Variants in ZC3H3 observed in about 807,000 individuals in gnomAD.
The protein encoded by ZC3H3 is zinc finger CCCH domain-containing protein 3.
ZC3H3 carries 36 observed loss-of-function variants against 77.3 expected under a neutral mutation model. The observed-to-expected ratio is 0.47, with a 90% CI of 0.36 to 0.61. The LOEUF (loss-of-function observed/expected upper bound fraction) is 0.61. Ranked by LOEUF, ZC3H3 falls within the 20% of genes least tolerant of loss-of-function variation. The probability of loss-of-function intolerance (pLI) is 0.00; values close to 1 mark genes in which losing one functional copy is unlikely to be tolerated. For missense variants in ZC3H3, 1,331 were observed against 1,312.2 expected (o/e 1.01, Z -0.22); for synonymous variants, 626 against 555.2 (o/e 1.13, Z -1.79).
chr8:143,438,098 A>C lies in ZC3H3; in HGVS notation c.2816-11T>G. 1 of 1,608,484 alleles carries C rather than the reference A, an allele frequency of 6.2e-7. No homozygotes were observed. On this transcript the variant is annotated splice_polypyrimidine_tract_variant and intron_variant, in intron 11 of 11. Coordinates refer to ENST00000262577, the MANE Select transcript of ZC3H3 (RefSeq NM_015117.3). ...TGTGCAGAGGCTTCCCTATGCAAAGAGGGCAAAAGTTAGGTGCCCGGAAAC... is the reference window on the plus strand; with the variant it reads ...TGTGCAGAGGCTTCCCTATGCAAAGCGGGCAAAAGTTAGGTGCCCGGAAAC...
At position 143,538,777 on chromosome 8, in the gene ZC3H3, C is replaced by T. The variant is rs768928969; in HGVS notation, c.590G>A (p.Gly197Asp). 1.3e-5 allele frequency: 21 copies of T among 1,612,000 alleles called. No homozygotes were observed. Among genetic ancestry groups the T allele is most frequent in the Admixed American group, 1.2e-4 (7 of 59,982 alleles). ...DPLLVCQKEPGKPRMVKSVGS... is the reference protein window; with the variant it reads ...DPLLVCQKEPDKPRMVKSVGS... The stretch of plus-strand genomic sequence containing the variant: ...CACTGACTTCACCATCCTGGGCTTA[C>T]CAGGCTCCTTCTGGCAGACCAGAAG... Residue 197 changes from glycine (G) to aspartate (D), a missense_variant, in exon 2 of 12, where the codon GGT (glycine) becomes GAT (aspartate). Physicochemically the swap from Gly to Asp is moderately conservative, Grantham distance 94. This residue lies in a region of ZC3H3 where 978 missense variants were observed against 915.5 expected (regional missense o/e 1.07). Transcript: ENST00000262577.
chr8:143,471,489 C>G (rs1234878174), intron 5 of ZC3H3, among the ~76,000 whole-genome samples: 1 of 152,236 alleles, frequency 6.6e-6, no homozygotes, highest in Non-Finnish European at 1.5e-5. Context: ...GGACACAGAA[C>G]AAGCCAAGGC....
chr8:143,491,781 G>C (rs777839938), intron 4 of ZC3H3, among the ~76,000 whole-genome samples: 1 of 152,188 alleles, frequency 6.6e-6, no homozygotes, highest in African/African-American at 2.4e-5. Flanking sequence ...TGTGGGGCCG[G>C]GTGCAGGGTG....
intron 3 of ZC3H3, among the ~76,000 whole-genome samples, chr8:143,515,285 C>T (rs1822000341): frequency 6.6e-6 from 1 of 152,246 alleles, no homozygotes; most frequent in Admixed American, 6.5e-5. Context: ...ATACGCACTC[C>T]CCCCGCTGCA....
chr8:143,446,847 G>T (rs945816536), intron 9 of ZC3H3, among the ~76,000 whole-genome samples: 1 of 152,228 alleles, frequency 6.6e-6, no homozygotes, highest in Non-Finnish European at 1.5e-5. Flanking sequence ...ACTGGGGCCC[G>T]CAACCGGAGA....
intron 9 of ZC3H3, among the ~76,000 whole-genome samples, chr8:143,450,557 C>T (rs1481407768): frequency 6.6e-6 from 1 of 152,188 alleles, no homozygotes; most frequent in African/African-American, 2.4e-5. Flanking sequence ...ATGGCAGCAT[C>T]TGCTTCTGGA....
rs115243542 is a variant in ZC3H3 at position 143,464,265 on chromosome 8, G to A, written c.2307+1452C>T. On this transcript the variant is annotated intron_variant, in intron 9 of 11. Coordinates refer to ENST00000262577, the MANE Select transcript of ZC3H3 (RefSeq NM_015117.3). ...AGAAGCAGGACCTAAATATCACTTT[G>A]ATATTTTCATTTAAATCGAAACATT... Among the ~76,000 whole-genome samples, 749 of 152,374 alleles carry A rather than the reference G, an allele frequency of 4.9e-3. 6 individuals carry two copies. The highest frequency in any genetic ancestry group is 0.016 in the African/African-American group (677 of 41,598).
At chr8:143,457,940 A>C (rs1307954734) in intron 9 of ZC3H3, among the ~76,000 whole-genome samples, 3 of 152,226 alleles carry the variant, frequency 2.0e-5, no homozygotes, top group Non-Finnish European at 2.9e-5. Flanking sequence ...AGGAAAAAAA[A>C]CAGCAAAATA....
Position 143,509,880 on chromosome 8 carries a change from G to A in ZC3H3, c.1562-1981C>T, listed in dbSNP as rs567663853. 2.0e-5 allele frequency among the ~76,000 whole-genome samples: 3 copies of A among 152,260 alleles called. No homozygotes were observed. The East Asian group carries it at 5.8e-4, about 29-fold the overall frequency. ...GTCGCCAAATGCACAGCCTCCCTTC[G>A]GCTAAAATCACTTCTAACCTTGGGA... On this transcript the variant is annotated intron_variant, in intron 3 of 11. Coordinates refer to ENST00000262577, the MANE Select transcript of ZC3H3 (RefSeq NM_015117.3).
Position 143,460,184 on chromosome 8 carries a change from G to A in ZC3H3, c.2307+5533C>T, listed in dbSNP as rs1820221250. ...AATCACTCGAACCCGGGAGGCGGAA[G>A]TTGCAGTGAGCCGAGATCATGCCAT... On this transcript the variant is annotated intron_variant, in intron 9 of 11. Coordinates refer to ENST00000262577, the MANE Select transcript of ZC3H3 (RefSeq NM_015117.3). This position sits in a 1 kb window ranked among gnomAD's most constrained non-coding sequence, Gnocchi z 4.0. Among the ~76,000 whole-genome samples, 1 of 151,894 alleles carries A rather than the reference G, an allele frequency of 6.6e-6. No homozygotes were observed. Among genetic ancestry groups the A allele is most frequent in the Non-Finnish European group, 1.5e-5 (1 of 67,990 alleles).
chr8:143,487,696 C>G (rs372802566), intron 4 of ZC3H3, among the ~76,000 whole-genome samples: 33 of 32,010 alleles, frequency 1.0e-3, no homozygotes, highest in African/African-American at 8.1e-4. Context: ...ACGAAGCTCA[C>G]ACACAGAACA....
chr8:143,472,453 A>G (rs185576287), intron 5 of ZC3H3, among the ~76,000 whole-genome samples: 7 of 152,308 alleles, frequency 4.6e-5, no homozygotes, highest in Admixed American at 4.6e-4. Flanking sequence ...ACACAGCAGC[A>G]CCACAGCCTC....
At chr8:143,514,515 CGGT>C (rs1464846017) in intron 3 of ZC3H3, among the ~76,000 whole-genome samples, 1 of 152,248 alleles carries the variant, frequency 6.6e-6, no homozygotes, top group African/African-American at 2.4e-5. Flanking sequence ...GACATGCACA[CGGT>C]GGGCGGTGGG....
Position 143,504,282 on chromosome 8 carries a change from G to A in ZC3H3, c.1715+3464C>T, listed in dbSNP as rs539911295. 3.2e-4 allele frequency among the ~76,000 whole-genome samples: 49 copies of A among 152,302 alleles called. 1 individual carries two copies. In the South Asian group the frequency reaches 9.7e-3, roughly 30 times the overall value. ...GCCCCTTCTCGTGCCTCCTCAGGGC[G>A]GTGCAGTCCCCGCCATGAGCATCAC... On this transcript the variant is annotated intron_variant, in intron 4 of 11. Coordinates refer to ENST00000262577, the MANE Select transcript of ZC3H3 (RefSeq NM_015117.3).
intron 9 of ZC3H3, among the ~76,000 whole-genome samples, chr8:143,456,710 A>T (rs1307873819): frequency 6.6e-6 from 1 of 152,148 alleles, no homozygotes; most frequent in Non-Finnish European, 1.5e-5. Context: ...TACAAAAAAA[A>T]TTTTAAAAGT....
intron 4 of ZC3H3, among the ~76,000 whole-genome samples, chr8:143,485,903 C>T (rs368433692): frequency 6.6e-6 from 1 of 152,266 alleles, no homozygotes; most frequent in Non-Finnish European, 1.5e-5. Flanking sequence ...GCCCCACACC[C>T]CCCAGCATGG....
rs766160879 is a variant in ZC3H3 at position 143,493,972 on chromosome 8, G to A, written c.1715+13774C>T. Among the ~76,000 whole-genome samples the A allele has an allele frequency of 2.1e-4, 32 of 152,296 alleles. No individual in the cohort carries two copies. The highest frequency in any genetic ancestry group is 3.4e-3 in the Middle Eastern group (1 of 294). ...TAAAAATGAGCACAGGCACAGGGAG[G>A]CCATCACATTAACTTTTACAGCACT... On this transcript the variant is annotated intron_variant, in intron 4 of 11. Coordinates refer to ENST00000262577, the MANE Select transcript of ZC3H3 (RefSeq NM_015117.3). This position sits in a 1 kb window ranked among gnomAD's most constrained non-coding sequence, Gnocchi z 4.8.
At chr8:143,509,619 G>A (rs772135604) in intron 3 of ZC3H3, among the ~76,000 whole-genome samples, 5 of 152,224 alleles carry the variant, frequency 3.3e-5, no homozygotes, top group Non-Finnish European at 5.9e-5. Flanking sequence ...AATGCCTGCT[G>A]CTCTGGGACG....
chr8:143,524,020 C>T (rs900092412), intron 3 of ZC3H3, among the ~76,000 whole-genome samples: 3 of 152,242 alleles, frequency 2.0e-5, no homozygotes, highest in Non-Finnish European at 4.4e-5. Context: ...CGGGGGAGGG[C>T]GCAAGCCTGG....
Sources: gnomAD v4.1 joint callset for allele counts (sites outside exome capture counted in the v4.1 genomes callset) on GRCh38, gnomAD v4.1.1 for gene constraint, gnomAD v4.1.1 regional missense constraint, Gnocchi (gnomAD v3.1) non-coding constraint, MANE v1.5 for transcripts, NCBI Gene and HGNC (gene_info 2026-07-23, HGNC 2026-07-21) for gene names.